The following TDRD12 variants were observed in gnomAD, a reference collection of about 807,000 sequenced individuals.
TDRD12 encodes the protein putative ATP-dependent RNA helicase TDRD12.
TDRD12 carries 158 observed loss-of-function variants against 133.5 expected under a neutral mutation model. The observed-to-expected ratio is 1.18, with a 90% confidence interval of 1.04 to 1.35. The LOEUF (loss-of-function observed/expected upper bound fraction) is 1.35. Among genes scored for constraint, TDRD12 ranks in the 40% most tolerant of loss-of-function variants. The pLI is 0.00. For missense variants in TDRD12, 1,443 were observed against 1,321.3 expected, an observed-to-expected ratio of 1.09 and a Z score of -1.43; for synonymous variants, 460 against 477.9, an observed-to-expected ratio of 0.96 and a Z score of 0.49.
chr19:32,719,816 G>A lies in TDRD12; in HGVS notation c.-257G>A, dbSNP rs114717541. On this transcript the variant is annotated 5_prime_UTR_variant, in exon 1 of 28. Coordinates refer to ENST00000444215, the Ensembl canonical transcript of TDRD12. ...GTGGGTGCGGGAGGCCCGAGGCCAG[G>A]CAGGCAGGGATCCCGCAGCGAGGGG... The A allele has an allele frequency of 6.9e-4, 393 of 569,840 alleles. 3 individuals are homozygous for A. The highest frequency in any genetic ancestry group is 6.9e-3 in the African/African-American group (362 of 52,774). The allele number at this position is 569,840 out of a possible 1,614,324, so 35.3% of individuals were successfully genotyped here.
At chr19:32,742,739 T>C in intron 3 of TDRD12, 42 bp from the exon 4 acceptor site, 1 of 1,529,832 alleles carries the variant, frequency 6.5e-7, no homozygotes, top group Non-Finnish European at 8.8e-7. Context: ...ATGTTATATA[T>C]AATTTTCTAT....
In TDRD12 at chr19:32,801,736, C is replaced by A. The variant is rs780834638; in HGVS notation, c.2080-20C>A. ...CCTATATCCCTGACTGTGACCTGGC[C>A]TCTTTGATTTCATCTTTAGGTAGTA... is the stretch of plus-strand genomic sequence containing the variant. On this transcript the variant is annotated intron_variant, in intron 18 of 27. Transcript: ENST00000444215. 64 of 1,032,166 alleles carry A rather than the reference C, an allele frequency of 6.2e-5. No homozygotes were observed. Among genetic ancestry groups the A allele is most frequent in the Middle Eastern group, 6.1e-4 (3 of 4,898 alleles). The allele number at this position is 1,032,166 out of a possible 1,614,324, so 63.9% of individuals were successfully genotyped here. A position where few individuals can be genotyped will look rare whatever the true frequency, so the allele number is the denominator to read the frequency against.
chr19:32,826,845 G>A (rs1005120828), intron 9 of TDRD12, 96 bp downstream of exon 32: 3 of 758,562 alleles, frequency 4.0e-6, no homozygotes, highest in Non-Finnish European at 5.4e-6. Context: ...TGGTGGAAGT[G>A]GACCGTTCAT....
Position 32,757,149 on chromosome 19 carries a change from G to T in TDRD12, c.865+19G>T, listed in dbSNP as rs1032447921. On this transcript the variant is annotated intron_variant, in intron 8 of 27. Transcript: ENST00000444215. ...GCACAGGGTGAGTTCTGCTAATGTG[G>T]TTTATTTCATAGGCAGCATGAAAAA... The T allele has an allele frequency of 3.3e-6, 5 of 1,535,144 alleles. No homozygotes were observed. Among genetic ancestry groups the T allele is most frequent in the African/African-American group, 1.4e-5 (1 of 72,624 alleles).
chr19:32,826,559 A>G (rs905784611), exon 9 of TDRD12: 1 of 1,241,604 alleles, frequency 8.1e-7, no homozygotes, highest in Non-Finnish European at 1.0e-6. Flanking sequence ...CTCTGGCCAA[A>G]GAGAGAAGGG....
At chr19:32,804,048 T>C (rs905969557) in intron 21 of TDRD12, among the ~76,000 whole-genome samples, 4 of 152,122 alleles carry the variant, frequency 2.6e-5, no homozygotes, top group Non-Finnish European at 5.9e-5. Context: ...CTGCTGATGA[T>C]GAACAGGCAT....
chr19:32,813,653 C>T (rs989755488), intron 24 of TDRD12, 31 bp from the exon 25 acceptor site: 14 of 1,287,892 alleles, frequency 1.1e-5, no homozygotes, highest in African/African-American at 1.5e-5. Flanking sequence ...GTTAAAGCCT[C>T]ACCTAAAATA....
exon 1 of TDRD12, chr19:32,719,918 TG>T: frequency 1.1e-6 from 1 of 890,276 alleles, no homozygotes; most frequent in Non-Finnish European, 1.7e-6. Context: ...ACGAGGAGTG[TG>T]GGGCACCTGC....
At chr19:32,766,213 TATTTAAAATTTTTTGTC>T (rs1216123961) in intron 8 of TDRD12, among the ~76,000 whole-genome samples, 1 of 152,204 alleles carries the variant, frequency 6.6e-6, no homozygotes, top group Non-Finnish European at 1.5e-5. Flanking sequence ...TAGTGCTATT[TATTTAAAATTTTTTGTC>T]ATTTAAAATT....
At chr19:32,796,146 ACCTGCATCTCGGGG>A in intron 14 of TDRD12, 1 of 985,310 alleles carries the variant, frequency 1.0e-6, no homozygotes, top group Non-Finnish European at 1.2e-6. Context: ...TGGGTGTGGA[ACCTGCATCTCGGGG>A]CCTGGCACTG....
rs5827820 is a variant in TDRD12, at chr19:32,764,103, C to CTTTTTTTTT, written c.865+6990_865+6998dup. 1.9e-3 allele frequency among the ~76,000 whole-genome samples: 141 copies of CTTTTTTTTT among 72,324 alleles called. 6 individuals carry two copies. Among genetic ancestry groups the CTTTTTTTTT allele is most frequent in the Non-Finnish European group, 2.1e-3 (89 of 42,034 alleles). The allele number at this position is 72,324 out of a possible 152,430, so 47.4% of individuals were successfully genotyped here. A position where few individuals can be genotyped will look rare whatever the true frequency, so the allele number is the denominator to read the frequency against. On this transcript the variant is annotated intron_variant, in intron 8 of 27. Coordinates refer to ENST00000444215, the Ensembl canonical transcript of TDRD12. ...TTCTTTTTTTACTTGTATTGTCCAT[C>CTTTTTTTTT]TTTTTTTTTTTTTTTTTTTTTTTTT...
intron 24 of TDRD12, among the ~76,000 whole-genome samples, chr19:32,813,177 A>G (rs1172650149): frequency 6.6e-6 from 1 of 152,190 alleles, no homozygotes; most frequent in Non-Finnish European, 1.5e-5. Flanking sequence ...CCCTGTCTCA[A>G]AGAAAAAAAG....
chr19:32,747,155 TGA>T (rs941919532), intron 4 of TDRD12, among the ~76,000 whole-genome samples: 5 of 151,348 alleles, frequency 3.3e-5, no homozygotes, highest in African/African-American at 9.7e-5. Context: ...TTATTCTGTG[TGA>T]GAGAGGGAGA....
intron 21 of TDRD12, among the ~76,000 whole-genome samples, chr19:32,805,341 C>G (rs1040752689): frequency 1.5e-4 from 22 of 150,756 alleles, no homozygotes; most frequent in African/African-American, 5.4e-4. Flanking sequence ...CGTGATTGTG[C>G]CACTGCACTC....
rs763261904 is a variant in TDRD12, at chr19:32,742,848, A to C, written c.388A>C (p.Thr130Pro). 9.7e-6 allele frequency: 15 copies of C among 1,551,860 alleles called. No individual in the cohort carries two copies. The South Asian group carries it at 1.7e-4, about 17-fold the overall frequency. ...AGCAAAAAAATTCAGCCTGTACTGC[A>C]CAAAGCCTGTCACATTACACATTGA... Residue 130 changes from threonine to proline, a missense_variant, in exon 4 of 28, where the codon ACA (threonine) becomes CCA (proline). By Grantham distance (38) the Thr-to-Pro change is conservative (BLOSUM62 -1). Transcript: ENST00000444215.
At chr19:32,751,692 A>G (rs1969832813) in intron 6 of TDRD12, among the ~76,000 whole-genome samples, 1 of 150,322 alleles carries the variant, frequency 6.7e-6, no homozygotes, top group Non-Finnish European at 1.5e-5. Flanking sequence ...GGATCCTCCC[A>G]CCTCAACTTC....
intron 27 of TDRD12, among the ~76,000 whole-genome samples, chr19:32,820,611 G>A (rs1967346589): frequency 6.6e-6 from 1 of 152,208 alleles, no homozygotes; most frequent in African/African-American, 2.4e-5. Context: ...AGGCATAGAA[G>A]GCAATAATTT....
intron 3 of TDRD12, among the ~76,000 whole-genome samples, chr19:32,739,390 G>T (rs1486726779): frequency 6.9e-6 from 1 of 144,872 alleles, no homozygotes; most frequent in Non-Finnish European, 1.5e-5. Flanking sequence ...TCTCCTGGCT[G>T]CTCTCTGCAT....
At chr19:32,769,450 TATC>T (rs1413507501) in intron 8 of TDRD12, among the ~76,000 whole-genome samples, 2 of 152,224 alleles carry the variant, frequency 1.3e-5, no homozygotes, top group Admixed American at 6.5e-5. Context: ...GTGGGTCCTG[TATC>T]ATCTGGGAGT....
Sources: gnomAD v4.1 joint callset for allele counts (sites outside exome capture counted in the v4.1 genomes callset) on GRCh38, gnomAD v4.1.1 for gene constraint, MANE v1.5 for transcripts, NCBI Gene and HGNC (gene_info 2026-07-23, HGNC 2026-07-21) for gene names.